The following PKN2 variants were observed in gnomAD, a reference collection of about 807,000 sequenced individuals.
The protein encoded by PKN2 is protein kinase N2.
A neutral mutation model predicts 119.1 loss-of-function variants in PKN2; 38 were observed. That is an observed-to-expected ratio of 0.32 (90% CI 0.25 to 0.42). The LOEUF (loss-of-function observed/expected upper bound fraction) is 0.42. Among genes scored for constraint, PKN2 ranks in the 10% least tolerant of loss-of-function variants. The pLI is 1.00. For missense variants in PKN2, 850 were observed against 1,165.1 expected, an observed-to-expected ratio of 0.73 and a Z score of 3.94; for synonymous variants, 390 against 384.9, an observed-to-expected ratio of 1.01 and a Z score of -0.15.
chr1:88,791,193 T>C (rs1362874027), intron 8 of PKN2, among the ~76,000 whole-genome samples: 1 of 152,036 alleles, frequency 6.6e-6, no homozygotes, highest in Non-Finnish European at 1.5e-5. Context: ...AACCCAGCAC[T>C]TCGGCAGGCC....
At chr1:88,762,892 T>C (rs1187235907) in intron 3 of PKN2, among the ~76,000 whole-genome samples, 1 of 152,206 alleles carries the variant, frequency 6.6e-6, no homozygotes, top group Non-Finnish European at 1.5e-5. Context: ...ATAGCCTGGC[T>C]TGTTCTGAGG....
intron 4 of PKN2, 80 bp from the exon 5 acceptor site, chr1:88,771,341 C>A: frequency 1.0e-6 from 1 of 992,308 alleles, no homozygotes; most frequent in Non-Finnish European, 1.5e-6. Context: ...TATAGGAATT[C>A]ATTTCTTTTC....
chr1:88,774,623 T>G (rs919073040), intron 6 of PKN2, among the ~76,000 whole-genome samples: 1 of 150,284 alleles, frequency 6.7e-6, no homozygotes, highest in African/African-American at 2.4e-5. Context: ...TTTTGCGGGT[T>G]TTTTTTTTTA....
rs200490316 is a variant in PKN2, at chr1:88,741,091, G to A, written c.152G>A (p.Arg51Gln). Residue 51 changes from arginine (R) to glutamine (Q), a missense_variant, in exon 2 of 22, where the codon CGA (arginine) becomes CAA (glutamine). By Grantham distance (43) the Arg-to-Gln change is conservative. Around this residue, in one of 9 missense-constraint regions of PKN2, gnomAD observed 73 missense variants for 61.2 expected, o/e 1.19. Transcript: ENST00000370521. ...VQQKLDDIKD[R>Q]IKREIRKELK... ...CAGAAATTGGATGATATCAAGGATC[G>A]AATTAAGAGAGAAATAAGGAAAGAA... The A allele has an allele frequency of 4.8e-4, 779 of 1,611,120 alleles. 10 individuals carry two copies. Among genetic ancestry groups the A allele is most frequent in the Middle Eastern group, 5.0e-4 (3 of 6,048 alleles).
chr1:88,741,789 A>G (rs1668588025), intron 2 of PKN2, among the ~76,000 whole-genome samples: 1 of 152,144 alleles, frequency 6.6e-6, no homozygotes, highest in Non-Finnish European at 1.5e-5. Context: ...AGAAAAACAT[A>G]ATAGAAAAAA....
At chr1:88,711,417 G>C (rs538681010) in intron 1 of PKN2, among the ~76,000 whole-genome samples, 2 of 152,244 alleles carry the variant, frequency 1.3e-5, no homozygotes, top group African/African-American at 4.8e-5. Context: ...TTCTATGTTG[G>C]AAGTGTAAGA....
intron 1 of PKN2, among the ~76,000 whole-genome samples, chr1:88,722,156 A>G (rs149351565): frequency 1.3e-5 from 2 of 152,244 alleles, no homozygotes; most frequent in Non-Finnish European, 2.9e-5. Context: ...TTTCAAGCAC[A>G]TAAGATTATA....
At chr1:88,692,129 A>C (rs1666359703) in intron 1 of PKN2, among the ~76,000 whole-genome samples, 1 of 151,648 alleles carries the variant, frequency 6.6e-6, no homozygotes, top group African/African-American at 2.4e-5. Context: ...TTGATTTTTC[A>C]CCTGTTATAA....
chr1:88,760,727 C>T (rs2100781679), intron 3 of PKN2, among the ~76,000 whole-genome samples: 1 of 151,834 alleles, frequency 6.6e-6, no homozygotes, highest in Admixed American at 6.6e-5. Context: ...TCATTTTGAC[C>T]TCAGAATTTG....
At chr1:88,795,473 G>A (rs1467830829) in intron 8 of PKN2, among the ~76,000 whole-genome samples, 4 of 152,214 alleles carry the variant, frequency 2.6e-5, no homozygotes, top group Middle Eastern at 3.4e-3. Context: ...AATAAGTTGT[G>A]TTCAGAATCT....
chr1:88,832,296 T>C (rs1672759212), intron 19 of PKN2, among the ~76,000 whole-genome samples: 1 of 152,012 alleles, frequency 6.6e-6, no homozygotes, highest in African/African-American at 2.4e-5. Context: ...TTATCCATTT[T>C]CTTCTGTTTT....
intron 2 of PKN2, among the ~76,000 whole-genome samples, chr1:88,750,541 C>T (rs140647915): frequency 5.5e-4 from 84 of 152,242 alleles, no homozygotes; most frequent in African/African-American, 1.9e-3. Flanking sequence ...TTAATCATAT[C>T]CTATTTTCTG....
intron 2 of PKN2, among the ~76,000 whole-genome samples, chr1:88,757,479 A>T (rs998965238): frequency 6.6e-6 from 1 of 152,154 alleles, no homozygotes; most frequent in Non-Finnish European, 1.5e-5. Context: ...GAATTAGTGA[A>T]TTTTTTAAAG....
chr1:88,752,267 A>AT (rs903477639), intron 2 of PKN2, among the ~76,000 whole-genome samples: 5 of 151,764 alleles, frequency 3.3e-5, no homozygotes, highest in African/African-American at 7.3e-5. Context: ...TTGTTATTAC[A>AT]TTTTTTTAAT....
chr1:88,763,252 C>G (rs1669517734), intron 3 of PKN2, among the ~76,000 whole-genome samples: 1 of 152,206 alleles, frequency 6.6e-6, no homozygotes, highest in African/African-American at 2.4e-5. Context: ...GATGGAGCTG[C>G]TGAAAGCAGG....
intron 18 of PKN2, 115 bp from the exon 19 acceptor site, chr1:88,828,365 GT>G (rs1276323670): frequency 1.3e-6 from 1 of 782,742 alleles, no homozygotes; most frequent in East Asian, 2.6e-5. Context: ...GTCTGAATTT[GT>G]TCACCATGCA....
At chr1:88,806,134 GGTTTTTTGTTT>G in intron 12 of PKN2, 117 bp downstream of exon 12, 1 of 922,592 alleles carries the variant, frequency 1.1e-6, no homozygotes, top group Non-Finnish European at 1.7e-6. Context: ...GTGAATTTAT[GGTTTTTTGTTT>G]GTTTTTTGTT....
intron 1 of PKN2, among the ~76,000 whole-genome samples, chr1:88,715,472 A>G (rs927919759): frequency 6.6e-6 from 1 of 152,146 alleles, no homozygotes; most frequent in African/African-American, 2.4e-5. Context: ...TCAGGGATTC[A>G]ACTTCTTCCT....
intron 1 of PKN2, among the ~76,000 whole-genome samples, chr1:88,734,625 A>G (rs1668267961): frequency 6.6e-6 from 1 of 152,136 alleles, no homozygotes; most frequent in Non-Finnish European, 1.5e-5. Flanking sequence ...GTCAAGTAGT[A>G]TGATGCCTCC....
Sources: gnomAD v4.1 joint callset for allele counts (sites outside exome capture counted in the v4.1 genomes callset) on GRCh38, gnomAD v4.1.1 for gene constraint, gnomAD v4.1.1 regional missense constraint, MANE v1.5 for transcripts, NCBI Gene and HGNC (gene_info 2026-07-23, HGNC 2026-07-21) for gene names.